Variants in ANO2 observed in about 807,000 individuals in gnomAD.
ANO2 encodes anoctamin-2.
ANO2 carries 101 observed loss-of-function variants against 124.2 expected under a neutral mutation model. The ratio of observed to expected loss-of-function variants is 0.81; its 90% CI spans 0.69 to 0.96. ANO2 has a LOEUF of 0.96. Among genes scored for constraint, ANO2 ranks in the 40% least tolerant of loss-of-function variants. The probability of loss-of-function intolerance (pLI) is 0.00; values close to 1 mark genes in which losing one functional copy is unlikely to be tolerated. For synonymous variants in ANO2, 486 were observed against 482.5 expected, an observed-to-expected ratio of 1.01 and a Z score of -0.09; for missense variants, 1,293 against 1,274.5, an observed-to-expected ratio of 1.01 and a Z score of -0.22.
chr12:5,603,357 T>A (rs530197712), intron 19 of ANO2, among the ~76,000 whole-genome samples: 1 of 152,310 alleles, frequency 6.6e-6, no homozygotes, highest in Non-Finnish European at 1.5e-5. Flanking sequence ...AGGGAGAAGT[T>A]TAGTGATTAT....
Position 5,862,575 on chromosome 12 carries a change from G to T in ANO2, c.535-8434C>A, listed in dbSNP as rs1239455097. On this transcript the variant is annotated intron_variant, in intron 3 of 24. Transcript: ENST00000682330. This position sits in a 1 kb window ranked among gnomAD's most constrained non-coding sequence, Gnocchi z 4.0. ...AAGTGAAGAGGAAGCAGTGAGGGGAGCCCAGGGAGACTGAGGAGTCCAACC... is the reference window on the plus strand; with the variant it reads ...AAGTGAAGAGGAAGCAGTGAGGGGATCCCAGGGAGACTGAGGAGTCCAACC... 1.3e-5 allele frequency among the ~76,000 whole-genome samples: 2 copies of T among 152,118 alleles called. No homozygotes were observed. Among genetic ancestry groups the T allele is most frequent in the East Asian group, 3.9e-4 (2 of 5,182 alleles).
At chr12:5,638,253 T>TTTTTTTTTTTA (rs1591793681) in intron 15 of ANO2, among the ~76,000 whole-genome samples, 4 of 146,726 alleles carry the variant, frequency 2.7e-5, no homozygotes, top group East Asian at 2.1e-4. Flanking sequence ...TTTTTTTTTT[T>TTTTTTTTTTTA]GAGACGGAGT....
chr12:5,814,421 A>G (rs908459454), intron 7 of ANO2, among the ~76,000 whole-genome samples: 3 of 152,234 alleles, frequency 2.0e-5, no homozygotes, highest in African/African-American at 7.2e-5. Context: ...GTCTTCTCAC[A>G]GCCATGTGGC....
intron 20 of ANO2, among the ~76,000 whole-genome samples, chr12:5,586,024 T>G (rs747796234): frequency 6.6e-6 from 1 of 152,206 alleles, no homozygotes; most frequent in Admixed American, 6.5e-5. Context: ...TCCCGGTTGT[T>G]AGAGCAAGAA....
At chr12:5,885,735 C>T (rs1938848266) in intron 3 of ANO2, among the ~76,000 whole-genome samples, 1 of 152,154 alleles carries the variant, frequency 6.6e-6, no homozygotes, top group Non-Finnish European at 1.5e-5. Flanking sequence ...CCTTAATGAG[C>T]CATGATGGGG....
intron 10 of ANO2, among the ~76,000 whole-genome samples, chr12:5,770,765 T>C (rs971077737): frequency 6.6e-6 from 1 of 152,166 alleles, no homozygotes; most frequent in African/African-American, 2.4e-5. Flanking sequence ...AAACCCAAAA[T>C]ACTTTTCAGG....
intron 4 of ANO2, chr12:5,836,710 C>T (rs1244309128): frequency 6.5e-6 from 1 of 154,358 alleles, no homozygotes; most frequent in Non-Finnish European, 1.5e-5. Flanking sequence ...CTATGGCTCC[C>T]ACCTCACCAC....
intron 19 of ANO2, among the ~76,000 whole-genome samples, chr12:5,607,984 C>T (rs1026448057): frequency 3.9e-5 from 6 of 152,052 alleles, no homozygotes; most frequent in African/African-American, 1.2e-4. Context: ...ACACCCCACT[C>T]CCCCGGTCCA....
intron 10 of ANO2, among the ~76,000 whole-genome samples, chr12:5,765,960 C>T (rs1305470332): frequency 6.6e-6 from 1 of 152,202 alleles, no homozygotes; most frequent in Admixed American, 6.5e-5. Flanking sequence ...AAGTGCTCAA[C>T]TCCCTTAATC....
chr12:5,744,856 T>G (rs1324094790), intron 11 of ANO2, among the ~76,000 whole-genome samples: 1 of 152,040 alleles, frequency 6.6e-6, no homozygotes, highest in Admixed American at 6.5e-5. Context: ...AAGAACGGAG[T>G]AGATCTGGGT....
At chr12:5,840,139 G>A (rs1345071426) in intron 4 of ANO2, among the ~76,000 whole-genome samples, 2 of 152,120 alleles carry the variant, frequency 1.3e-5, no homozygotes, top group Admixed American at 6.5e-5. Context: ...CAGAAATGGC[G>A]AGACACATGT....
In ANO2 at chr12:5,720,206, G is replaced by C. The variant is rs139509541; in HGVS notation, c.1545+12314C>G. 3.6e-4 allele frequency among the ~76,000 whole-genome samples: 55 copies of C among 152,272 alleles called. No homozygotes were observed. The East Asian group carries it at 9.7e-3, about 27-fold the overall frequency. ...TAGCTGGGCAATGATTGTCAGAAGC[G>C]CATAGTCTCAAAGCCTCTGTGTCTC... On this transcript the variant is annotated intron_variant, in intron 14 of 24. Transcript: ENST00000682330.
chr12:5,743,941 C>T (rs990489144), intron 12 of ANO2, among the ~76,000 whole-genome samples: 4 of 152,324 alleles, frequency 2.6e-5, no homozygotes, highest in Admixed American at 2.6e-4. Context: ...AGCATGACTA[C>T]ATCTGAGAGA....
intron 3 of ANO2, among the ~76,000 whole-genome samples, chr12:5,854,398 C>CAAAAAAAAAA (rs56030072): frequency 1.3e-5 from 1 of 76,118 alleles, no homozygotes; most frequent in African/African-American, 5.9e-5. Flanking sequence ...AGCTTCAGAG[C>CAAAAAAAAAA]AAAAAAAAAA....
intron 4 of ANO2, chr12:5,851,835 A>G (rs1007195005): frequency 1.3e-5 from 9 of 688,156 alleles, no homozygotes; most frequent in Non-Finnish European, 2.4e-5. Flanking sequence ...AGGAAAGCAA[A>G]GAGGGAAAAT....
intron 14 of ANO2, among the ~76,000 whole-genome samples, chr12:5,691,327 C>CAAAAAAA (rs60573302): frequency 2.2e-4 from 19 of 86,996 alleles, no homozygotes; most frequent in African/African-American, 4.0e-4. Context: ...GACTCCATCT[C>CAAAAAAA]AAAAAAAAAA....
chr12:5,574,327 T>C lies in ANO2; in HGVS notation c.2621+1507A>G, dbSNP rs112126354. On this transcript the variant is annotated intron_variant, in intron 23 of 24. Coordinates refer to ENST00000682330, the MANE Select transcript of ANO2 (RefSeq NM_001364791.2). ...TTCTTGGCTTCAGTGACCCCAGTGC[T>C]GATGGCCTTCAATCAGGACTCTAAG... 7.5e-3 allele frequency among the ~76,000 whole-genome samples: 1,137 copies of C among 152,290 alleles called. 7 individuals are homozygous for C. The highest frequency in any genetic ancestry group is 0.024 in the African/African-American group (1,005 of 41,544).
At chr12:5,578,673 G>A (rs565716642) in intron 20 of ANO2, among the ~76,000 whole-genome samples, 155 bp from the exon 21 acceptor site, 42 of 152,226 alleles carry the variant, frequency 2.8e-4, no homozygotes, top group African/African-American at 8.2e-4. Context: ...TCACATACAC[G>A]GTATTTCTTT....
intron 3 of ANO2, among the ~76,000 whole-genome samples, chr12:5,910,489 AC>A (rs1248079730): frequency 2.6e-5 from 4 of 152,144 alleles, no homozygotes; most frequent in Non-Finnish European, 5.9e-5. Context: ...TCTATGTGTT[AC>A]TTCTATTAGT....
Sources: gnomAD v4.1 joint callset for allele counts (sites outside exome capture counted in the v4.1 genomes callset) on GRCh38, gnomAD v4.1.1 for gene constraint, Gnocchi (gnomAD v3.1) non-coding constraint, MANE v1.5 for transcripts, NCBI Gene and HGNC (gene_info 2026-07-23, HGNC 2026-07-21) for gene names.